RAB27A: variants seen among roughly 807,000 people sequenced by gnomAD.
The protein encoded by RAB27A is ras-related protein Rab-27A.
RAB27A carries 17 observed loss-of-function variants against 20.8 expected under a neutral mutation model. The ratio of observed to expected loss-of-function variants is 0.82; its 90% CI spans 0.56 to 1.23. RAB27A has a LOEUF of 1.23. Ranked by LOEUF, RAB27A falls within the 50% of genes most tolerant of loss-of-function variation. RAB27A has a pLI of 0.00. For missense variants in RAB27A, 277 were observed against 266.7 expected (o/e 1.04, Z -0.27); for synonymous variants, 85 against 92.8 (o/e 0.92, Z 0.48).
At chr15:55,277,260 G>T (rs1000037843) in intron 1 of RAB27A, among the ~76,000 whole-genome samples, 4 of 152,196 alleles carry the variant, frequency 2.6e-5, no homozygotes, top group Admixed American at 1.3e-4. Context: ...GACTTCAGTG[G>T]TTAACTCTGG....
At chr15:55,219,098 C>T (rs892642916) in intron 6 of RAB27A, among the ~76,000 whole-genome samples, 1 of 152,118 alleles carries the variant, frequency 6.6e-6, no homozygotes, top group Non-Finnish European at 1.5e-5. Flanking sequence ...AGAACAAAGG[C>T]TTATTATGAC....
chr15:55,216,736 G>A (rs1026223298), intron 6 of RAB27A, among the ~76,000 whole-genome samples: 3 of 152,050 alleles, frequency 2.0e-5, no homozygotes, highest in Non-Finnish European at 4.4e-5. Flanking sequence ...TCTAATTCTG[G>A]TACCTGGGAC....
intron 1 of RAB27A, among the ~76,000 whole-genome samples, chr15:55,278,363 C>G (rs62018098): frequency 0.25 from 37,561 of 152,132 alleles, 6,013 homozygotes; most frequent in Non-Finnish European, 0.36. Flanking sequence ...AACTTGTGAA[C>G]AGAAATCAGC....
At chr15:55,221,124 A>C (rs1300835016) in intron 6 of RAB27A, among the ~76,000 whole-genome samples, 1 of 152,224 alleles carries the variant, frequency 6.6e-6, no homozygotes, top group African/African-American at 2.4e-5. Context: ...CTGTGAAACC[A>C]GACAGGCTGT....
At chr15:55,284,248 C>T (rs907229022) in intron 1 of RAB27A, among the ~76,000 whole-genome samples, 2 of 152,176 alleles carry the variant, frequency 1.3e-5, no homozygotes, top group African/African-American at 2.4e-5. Flanking sequence ...AAGTCACATA[C>T]ACCTGTCTAT....
rs1012015497 is a variant in RAB27A, at chr15:55,203,124, C to G, written c.*2383G>C. 6.6e-6 allele frequency: 1 copy of G among 152,044 alleles called. No homozygotes were observed. The highest frequency in any genetic ancestry group is 6.6e-5 in the Admixed American group (1 of 15,264). 9.4% of individuals were successfully genotyped at this position (152,044 alleles called of 1,614,324 possible). The stretch of plus-strand genomic sequence containing the variant: ...ACTTAAATGATTTCCAAAAAGAATA[C>G]AGGTTATTTCAATAATTAAAGGTGG... On this transcript the variant is annotated 3_prime_UTR_variant, in exon 7 of 7. Coordinates refer to ENST00000336787, the MANE Select transcript of RAB27A (RefSeq NM_183235.3).
chr15:55,291,501 ACT>A (rs1898305934), upstream of RAB27A, among the ~76,000 whole-genome samples: 1 of 111,516 alleles, frequency 9.0e-6, no homozygotes, highest in African/African-American at 3.6e-5. Flanking sequence ...ACCGAGCGAG[ACT>A]CTGTTTCAAA....
At chr15:55,237,258 A>C (rs1277086310) in intron 2 of RAB27A, 1 of 152,090 alleles carries the variant, frequency 6.6e-6, no homozygotes, top group Non-Finnish European at 1.5e-5. Flanking sequence ...CTCAGACAAG[A>C]ATATTTACTG....
At chr15:55,303,839 G>A (rs1374663705) in intron 2 of RAB27A, among the ~76,000 whole-genome samples, 1 of 136,306 alleles carries the variant, frequency 7.3e-6, no homozygotes, top group Admixed American at 7.0e-5. Flanking sequence ...AGGGAGGTGG[G>A]GGGGGTCAGC....
chr15:55,317,753 T>A (rs1398863126), intron 1 of RAB27A: 1 of 398,600 alleles, frequency 2.5e-6, no homozygotes, highest in African/African-American at 2.1e-5. Flanking sequence ...CCAAGGACAG[T>A]GGCAAAAAGC....
At chr15:55,305,413 G>C (rs1430429597) in intron 2 of RAB27A, among the ~76,000 whole-genome samples, 1 of 152,196 alleles carries the variant, frequency 6.6e-6, no homozygotes, top group Non-Finnish European at 1.5e-5. Context: ...GACTGCATCT[G>C]GGGCTCCATT....
intron 2 of RAB27A, among the ~76,000 whole-genome samples, chr15:55,302,918 C>T (rs2054979330): frequency 7.1e-6 from 1 of 140,334 alleles, no homozygotes; most frequent in African/African-American, 2.8e-5. Context: ...CTCCGCCCGG[C>T]AGCCACCCCA....
At position 55,303,618 on chromosome 15, in the gene RAB27A, C is replaced by T. The variant is rs1399484311; in HGVS notation, c.-112+10421G>A. On this transcript the variant is annotated intron_variant, in intron 2 of 5. Transcript: ENST00000563262. ...CCGTCCGGGAGGGAGGTGAGGGGGT[C>T]GGCCCCCCGCCCGGCCAGCCGCCCC... Among the ~76,000 whole-genome samples the T allele has an allele frequency of 2.1e-5, 2 of 94,730 alleles. 1 individual carries two copies. Among genetic ancestry groups the T allele is most frequent in the East Asian group, 1.5e-3 (2 of 1,362 alleles). 62.1% of individuals were successfully genotyped at this position (94,730 alleles called of 152,430 possible).
At chr15:55,274,895 A>G (rs1214031021) in intron 1 of RAB27A, among the ~76,000 whole-genome samples, 4 of 149,812 alleles carry the variant, frequency 2.7e-5, no homozygotes, top group African/African-American at 9.8e-5. Context: ...AAATAAAATT[A>G]TAAATGAAAT....
chr15:55,295,721 A>G lies in RAB27A; in HGVS notation c.-112+18318T>C, dbSNP rs2054945813. 3.3e-5 allele frequency among the ~76,000 whole-genome samples: 5 copies of G among 152,286 alleles called. No homozygotes were observed. In the South Asian group the frequency reaches 1.0e-3, roughly 32 times the overall value. ...GGGAGAAATGAGGTGTTGACTGCTT[A>G]TTGCACACGAGGTTTCCTTCTGAGG... On this transcript the variant is annotated intron_variant, in intron 2 of 5. Coordinates refer to the RAB27A transcript ENST00000563262.
intron 2 of RAB27A, among the ~76,000 whole-genome samples, chr15:55,263,510 A>C (rs1232847974): frequency 2.6e-5 from 4 of 152,238 alleles, no homozygotes; most frequent in African/African-American, 9.6e-5. Flanking sequence ...TTTCTTTTGA[A>C]CACAGTACTA....
intron 6 of RAB27A, among the ~76,000 whole-genome samples, chr15:55,210,437 A>C (rs1310918000): frequency 9.6e-6 from 1 of 104,434 alleles, no homozygotes; most frequent in African/African-American, 4.4e-5. Flanking sequence ...AGGGGGGGGG[A>C]ATTACTGCCT....
At chr15:55,317,894 C>CATCA (rs2055064396) in intron 1 of RAB27A, 2 of 390,292 alleles carry the variant, frequency 5.1e-6, no homozygotes, top group East Asian at 7.2e-5. Context: ...AAAGCAAAGC[C>CATCA]ATCACTTAGT....
At chr15:55,227,890 GCCTTCC>G (rs1895872838) in intron 5 of RAB27A, among the ~76,000 whole-genome samples, 1 of 152,134 alleles carries the variant, frequency 6.6e-6, no homozygotes, top group African/African-American at 2.4e-5. Context: ...TAATATTACA[GCCTTCC>G]CTAATAGATT....
Sources: allele counts gnomAD v4.1 joint callset (sites outside exome capture counted in the v4.1 genomes callset), GRCh38; gene constraint gnomAD v4.1.1; transcripts MANE v1.5; gene names NCBI Gene and HGNC (gene_info 2026-07-23, HGNC 2026-07-21).